SPHKAP: variants seen among roughly 807,000 people sequenced by gnomAD.
SPHKAP encodes the protein SPHK1 interactor, AKAP domain containing, also known as A-kinase anchor protein SPHKAP.
In SPHKAP, 67 loss-of-function variants were observed where a neutral mutation model predicts 137.5. That is an observed-to-expected ratio of 0.49 (90% CI 0.40 to 0.60). SPHKAP has a LOEUF of 0.60. Ranked by LOEUF, SPHKAP falls within the 20% of genes least tolerant of loss-of-function variation. SPHKAP has a pLI of 0.00. For missense variants in SPHKAP, 2,097 were observed against 2,069.3 expected, an observed-to-expected ratio of 1.01 and a Z score of -0.26; for synonymous variants, 813 against 785.3, an observed-to-expected ratio of 1.04 and a Z score of -0.59.
chr2:228,162,234 T>C (rs1257162873), intron 1 of SPHKAP, among the ~76,000 whole-genome samples: 2 of 152,316 alleles, frequency 1.3e-5, no homozygotes, highest in Admixed American at 6.5e-5. Context: ...AACAGGTTGA[T>C]CTCCAGAATG....
intron 2 of SPHKAP, among the ~76,000 whole-genome samples, chr2:228,116,367 G>A (rs1452814863): frequency 2.0e-5 from 3 of 151,980 alleles, no homozygotes; most frequent in Non-Finnish European, 4.4e-5. Context: ...ACTGTTCAAC[G>A]CAAGGCAAGT....
At chr2:228,122,514 C>A (rs1196727656) in intron 2 of SPHKAP, among the ~76,000 whole-genome samples, 3 of 152,154 alleles carry the variant, frequency 2.0e-5, no homozygotes, top group African/African-American at 7.2e-5. Context: ...GAATAAGAAG[C>A]TGAATTGTAT....
In SPHKAP at chr2:228,102,629, C is replaced by A. The variant is rs76906089; in HGVS notation, c.246+6203G>T. ...ATAAACGTATGGAGTAAGTCTAAAGCCTGCACTCCATACAGTATTTACTGA... is the reference window on the plus strand; with the variant it reads ...ATAAACGTATGGAGTAAGTCTAAAGACTGCACTCCATACAGTATTTACTGA... On this transcript the variant is annotated intron_variant, in intron 3 of 11. Coordinates refer to ENST00000392056, the MANE Select transcript of SPHKAP (RefSeq NM_001142644.2). 2.0e-3 allele frequency among the ~76,000 whole-genome samples: 299 copies of A among 152,230 alleles called. 2 individuals carry two copies. Among genetic ancestry groups the A allele is most frequent in the African/African-American group, 6.7e-3 (280 of 41,546 alleles).
intron 1 of SPHKAP, among the ~76,000 whole-genome samples, chr2:228,171,143 T>C (rs1260561965): frequency 6.6e-6 from 1 of 152,198 alleles, no homozygotes; most frequent in East Asian, 1.9e-4. Context: ...CATGTTTTTC[T>C]GTACCAGAAC....
At chr2:228,069,449 C>CTTTTTTTTT (rs11346938) in intron 3 of SPHKAP, among the ~76,000 whole-genome samples, 1 of 128,110 alleles carries the variant, frequency 7.8e-6, no homozygotes. Flanking sequence ...TTCTTTCTTT[C>CTTTTTTTTT]TTTTTTTTTT....
intron 4 of SPHKAP, 22 bp downstream of exon 4, chr2:228,027,462 C>T (rs762129420): frequency 1.2e-6 from 2 of 1,612,982 alleles, no homozygotes; most frequent in South Asian, 2.2e-5. Context: ...ACCTCCCGGT[C>T]AGCTTGAGTT....
chr2:228,019,562 C>G lies in SPHKAP; in HGVS notation c.1292G>C (p.Ser431Thr), dbSNP rs753587714. The G allele has an allele frequency of 6.2e-7, 1 of 1,614,186 alleles. No homozygotes were observed. The highest frequency in any genetic ancestry group is 8.5e-7 in the Non-Finnish European group (1 of 1,180,018). The part of the protein sequence containing the change: ...SVSVGSSLLP[S>T]CYSTKDTVVS... Reference sequence around the variant, plus strand: ...CACTGTATCTTTTGTGGAATAGCAACTGGGAAGCAGAGAACTTCCTACAGA... The same window carrying G: ...CACTGTATCTTTTGTGGAATAGCAAGTGGGAAGCAGAGAACTTCCTACAGA... The change falls in exon 7 of 12, where the codon AGT becomes ACT. Residue 431 changes from serine to threonine, a missense_variant. Ser to Thr is a moderately conservative substitution (Grantham distance 58). Coordinates refer to ENST00000392056, the MANE Select transcript of SPHKAP (RefSeq NM_001142644.2).
At chr2:227,989,785 T>G (rs868500453) in intron 11 of SPHKAP, among the ~76,000 whole-genome samples, 1,761 of 151,724 alleles carry the variant, frequency 0.012, 20 homozygotes, top group Middle Eastern at 0.048. Context: ...TTTGTTTTTT[T>G]TTTTTTTTTT....
intron 7 of SPHKAP, among the ~76,000 whole-genome samples, chr2:228,001,416 T>A (rs1017787396): frequency 2.1e-5 from 3 of 141,070 alleles, no homozygotes; most frequent in African/African-American, 7.7e-5. Flanking sequence ...TAAATATATA[T>A]AAATATATAC....
intron 2 of SPHKAP, among the ~76,000 whole-genome samples, chr2:228,117,224 T>C (rs1434673639): frequency 1.3e-5 from 2 of 152,142 alleles, no homozygotes; most frequent in East Asian, 1.9e-4. Flanking sequence ...TATCAACATA[T>C]CTTGAATACA....
intron 1 of SPHKAP, among the ~76,000 whole-genome samples, chr2:228,171,997 C>A (rs942810708): frequency 2.6e-5 from 4 of 151,914 alleles, no homozygotes; most frequent in African/African-American, 9.7e-5. Flanking sequence ...CTTTGAAAAT[C>A]TCTTAAGAGG....
intron 1 of SPHKAP, among the ~76,000 whole-genome samples, chr2:228,143,022 A>G (rs887933902): frequency 1.3e-5 from 2 of 152,116 alleles, no homozygotes. Context: ...ACCAAACGAA[A>G]GACTTACACA....
chr2:227,987,322 A>G (rs1277805552), intron 11 of SPHKAP, among the ~76,000 whole-genome samples: 1 of 152,168 alleles, frequency 6.6e-6, no homozygotes, highest in Admixed American at 6.5e-5. Flanking sequence ...CCTTGTCCAG[A>G]AAAAGTCCCC....
intron 1 of SPHKAP, among the ~76,000 whole-genome samples, chr2:228,151,788 T>G (rs1022000996): frequency 6.6e-6 from 1 of 152,150 alleles, no homozygotes; most frequent in Non-Finnish European, 1.5e-5. Context: ...TGGAGTTATT[T>G]TGTTGTTTTT....
intron 8 of SPHKAP, among the ~76,000 whole-genome samples, chr2:227,993,831 ATAC>A (rs1370109693): frequency 6.6e-6 from 1 of 152,232 alleles, no homozygotes; most frequent in Admixed American, 6.5e-5. Flanking sequence ...GATAATAATA[ATAC>A]TACTAATAAT....
chr2:228,052,352 A>G (rs926798063), intron 3 of SPHKAP, among the ~76,000 whole-genome samples: 1 of 152,186 alleles, frequency 6.6e-6, no homozygotes, highest in Non-Finnish European at 1.5e-5. Context: ...GTTTTGCTTA[A>G]AAGAGCTCAC....
In SPHKAP at chr2:228,132,100, A is replaced by C; in HGVS notation, c.33-15T>G. 1 of 1,582,110 alleles carries C rather than the reference A, an allele frequency of 6.3e-7. No individual in the cohort carries two copies. The highest frequency in any genetic ancestry group is 8.7e-7 in the Non-Finnish European group (1 of 1,151,970). ...ACTCCAAGTTGCTGTTTGTGACCCA[A>C]AACACAAAAACACATTCCAGTGAGT... is the stretch of plus-strand genomic sequence containing the variant. On this transcript the variant is annotated splice_polypyrimidine_tract_variant and intron_variant, in intron 1 of 11. Coordinates refer to ENST00000392056, the MANE Select transcript of SPHKAP (RefSeq NM_001142644.2).
chr2:228,115,190 C>T (rs1245822619), intron 2 of SPHKAP, among the ~76,000 whole-genome samples: 1 of 152,120 alleles, frequency 6.6e-6, no homozygotes, highest in Non-Finnish European at 1.5e-5. Context: ...TTATCGTTTG[C>T]AGAGTCTCAG....
At chr2:228,073,802 C>CTGA (rs1166524294) in intron 3 of SPHKAP, among the ~76,000 whole-genome samples, 1 of 152,216 alleles carries the variant, frequency 6.6e-6, no homozygotes, top group Non-Finnish European at 1.5e-5. Flanking sequence ...GGTTTACAAG[C>CTGA]ATCAGCCCCT....
Sources: gnomAD v4.1 joint callset for allele counts (sites outside exome capture counted in the v4.1 genomes callset) on GRCh38, gnomAD v4.1.1 for gene constraint, MANE v1.5 for transcripts, NCBI Gene and HGNC (gene_info 2026-07-23, HGNC 2026-07-21) for gene names.